IQGAP1: variants seen among roughly 807,000 people sequenced by gnomAD.
IQGAP1 encodes ras GTPase-activating-like protein IQGAP1.
In IQGAP1, 66 loss-of-function variants were observed where a neutral mutation model predicts 215.6. That is an observed-to-expected ratio of 0.31 (90% confidence interval 0.25 to 0.38). IQGAP1 has a LOEUF of 0.38. IQGAP1 is among the 10% of genes least tolerant of loss of function. The pLI, the probability that IQGAP1 is intolerant of heterozygous loss-of-function variation, is 1.00. For missense variants in IQGAP1, 1,712 were observed against 1,997.1 expected, an observed-to-expected ratio of 0.86 and a Z score of 2.72; for synonymous variants, 772 against 728.7, an observed-to-expected ratio of 1.06 and a Z score of -0.96.
intron 15 of IQGAP1, among the ~76,000 whole-genome samples, 193 bp from the exon 16 acceptor site, chr15:90,465,808 G>A (rs775199375): frequency 6.6e-6 from 1 of 152,146 alleles, no homozygotes; most frequent in African/African-American, 2.4e-5. Flanking sequence ...TGGATTACAG[G>A]TGTGAGTCAC....
chr15:90,433,623 A>G, intron 4 of IQGAP1, 96 bp from the exon 5 acceptor site: 2 of 713,006 alleles, frequency 2.8e-6, no homozygotes, highest in Non-Finnish European at 4.8e-6. Context: ...ATGTTTTCTA[A>G]CTGTCCATAG....
chr15:90,434,731 A>C (rs994372775), intron 5 of IQGAP1, among the ~76,000 whole-genome samples: 4 of 152,216 alleles, frequency 2.6e-5, no homozygotes, highest in African/African-American at 9.6e-5. Context: ...TATACTTACC[A>C]GTTGAGCATG....
intron 15 of IQGAP1, among the ~76,000 whole-genome samples, chr15:90,461,234 G>A (rs915333396): frequency 6.6e-6 from 1 of 152,112 alleles, no homozygotes; most frequent in Non-Finnish European, 1.5e-5. Context: ...CTTGAACCCA[G>A]GAGGTGGAGG....
At chr15:90,491,936 T>C (rs1304257667) in intron 34 of IQGAP1, among the ~76,000 whole-genome samples, 1 of 152,242 alleles carries the variant, frequency 6.6e-6, no homozygotes, top group African/African-American at 2.4e-5. Flanking sequence ...TCTGTGCTGT[T>C]GCACTAAGAT....
intron 2 of IQGAP1, among the ~76,000 whole-genome samples, chr15:90,419,769 A>C (rs890830871): frequency 3.3e-5 from 5 of 152,164 alleles, no homozygotes; most frequent in African/African-American, 1.2e-4. Flanking sequence ...AGCATAATAA[A>C]ATAATTTATT....
At chr15:90,453,604 C>A (rs1053848542) in intron 13 of IQGAP1, among the ~76,000 whole-genome samples, 2 of 152,164 alleles carry the variant, frequency 1.3e-5, no homozygotes, top group Non-Finnish European at 2.9e-5. Context: ...CCAAACTGTC[C>A]TTTATAGCTG....
At chr15:90,412,491 G>A (rs1007948431) in intron 2 of IQGAP1, among the ~76,000 whole-genome samples, 2 of 152,024 alleles carry the variant, frequency 1.3e-5, no homozygotes, top group Admixed American at 6.6e-5. Context: ...TTGGCCTGAC[G>A]TATTCTCCCT....
intron 36 of IQGAP1, among the ~76,000 whole-genome samples, chr15:90,496,124 C>G (rs1400304022): frequency 1.3e-5 from 2 of 151,610 alleles, no homozygotes; most frequent in African/African-American, 4.9e-5. Flanking sequence ...GTGAGGCGTT[C>G]CAGTTGAATA....
intron 18 of IQGAP1, among the ~76,000 whole-genome samples, chr15:90,470,383 G>A (rs1289919426): frequency 6.6e-6 from 1 of 152,080 alleles, no homozygotes; most frequent in Non-Finnish European, 1.5e-5. Context: ...AGGATTTAAT[G>A]TCTGTCTGAA....
rs59435003 is a variant in IQGAP1 at position 90,456,713 on chromosome 15, T to TAAAA, written c.1776+412_1776+415dup. Among the ~76,000 whole-genome samples, 29 of 127,970 alleles carry TAAAA rather than the reference T, an allele frequency of 2.3e-4. 1 individual carries two copies. The highest frequency in any genetic ancestry group is 8.5e-4 in the African/African-American group (29 of 34,250). The allele number at this position is 127,970 out of a possible 152,430, so 84.0% of individuals were successfully genotyped here. A position where few individuals can be genotyped will look rare whatever the true frequency, so the allele number is the denominator to read the frequency against. On this transcript the variant is annotated intron_variant, in intron 15 of 37. Coordinates refer to ENST00000268182, the MANE Select transcript of IQGAP1 (RefSeq NM_003870.4). The stretch of plus-strand genomic sequence containing the variant: ...CAACATGGTGAAACCTCATCTCTAC[T>TAAAA]AAAAAAAAAAAAAAAAATACAAAAA...
intron 13 of IQGAP1, among the ~76,000 whole-genome samples, chr15:90,453,568 A>G (rs1352197754): frequency 6.6e-6 from 1 of 152,182 alleles, no homozygotes; most frequent in African/African-American, 2.4e-5. Context: ...AACCCTAGCT[A>G]GTTCATTTTC....
At chr15:90,459,701 TTTTTGTTTTG>T (rs995508105) in intron 15 of IQGAP1, among the ~76,000 whole-genome samples, 7 of 152,248 alleles carry the variant, frequency 4.6e-5, no homozygotes, top group African/African-American at 1.2e-4. Flanking sequence ...TGGTTTGGGT[TTTTTGTTTTG>T]TTTTGTTTTG....
chr15:90,429,707 G>T (rs779167897), intron 4 of IQGAP1, 41 bp downstream of exon 4: 32 of 1,342,810 alleles, frequency 2.4e-5, no homozygotes, highest in Non-Finnish European at 3.3e-5. Context: ...TGTTCCAGCT[G>T]TTGTGGCATA....
At chr15:90,404,411 A>C (rs74674380) in intron 2 of IQGAP1, among the ~76,000 whole-genome samples, 1,544 of 152,298 alleles carry the variant, frequency 0.01, 22 homozygotes, top group African/African-American at 0.036. Flanking sequence ...AGTGAAGATG[A>C]GCATCTTTAC....
intron 17 of IQGAP1, among the ~76,000 whole-genome samples, 171 bp downstream of exon 17, chr15:90,466,607 C>T (rs929958815): frequency 6.3e-4 from 95 of 150,446 alleles, no homozygotes; most frequent in African/African-American, 2.2e-3. Context: ...TATCCTTCCC[C>T]CCCCCCTTGT....
At chr15:90,464,123 T>C (rs151094799) in intron 15 of IQGAP1, among the ~76,000 whole-genome samples, 58 of 152,330 alleles carry the variant, frequency 3.8e-4, no homozygotes, top group Middle Eastern at 3.4e-3. Flanking sequence ...CATCGAGCAA[T>C]CTAAATGAAT....
At chr15:90,398,306 T>G (rs1964756147) in intron 2 of IQGAP1, among the ~76,000 whole-genome samples, 1 of 152,192 alleles carries the variant, frequency 6.6e-6, no homozygotes, top group Non-Finnish European at 1.5e-5. Context: ...ACTTCAGACC[T>G]TAGCTTTTAT....
At chr15:90,479,846 TG>T (rs1966032452) in intron 26 of IQGAP1, among the ~76,000 whole-genome samples, 3 of 152,170 alleles carry the variant, frequency 2.0e-5, no homozygotes, top group Admixed American at 2.0e-4. Flanking sequence ...TTAATTTTTT[TG>T]CCTGCATACC....
intron 30 of IQGAP1, 27 bp from the exon 31 acceptor site, chr15:90,486,003 A>T: frequency 6.4e-7 from 1 of 1,559,072 alleles, no homozygotes; most frequent in East Asian, 2.2e-5. Flanking sequence ...TGAATGTATA[A>T]ATGGAGTTGA....
Sources: allele counts gnomAD v4.1 joint callset (sites outside exome capture counted in the v4.1 genomes callset), GRCh38; gene constraint gnomAD v4.1.1; transcripts MANE v1.5; gene names NCBI Gene and HGNC (gene_info 2026-07-23, HGNC 2026-07-21).